CC2D2B: variants seen among roughly 807,000 people sequenced by gnomAD.
CC2D2B encodes coiled-coil and C2 domain containing 2B, also known as protein CC2D2B.
A neutral mutation model predicts 161.2 loss-of-function variants in CC2D2B; 128 were observed. The ratio of observed to expected loss-of-function variants is 0.79; its 90% CI spans 0.69 to 0.92. The LOEUF (loss-of-function observed/expected upper bound fraction) is 0.92. Among genes scored for constraint, CC2D2B ranks in the 40% least tolerant of loss-of-function variants. The pLI is 0.00. For missense variants in CC2D2B, 1,173 were observed against 1,375.1 expected, an observed-to-expected ratio of 0.85 and a Z score of 2.32; for synonymous variants, 391 against 449.8, an observed-to-expected ratio of 0.87 and a Z score of 1.65.
intron 24 of CC2D2B, among the ~76,000 whole-genome samples, chr10:95,999,367 C>T (rs2078369426): frequency 6.6e-6 from 1 of 152,066 alleles, no homozygotes; most frequent in Non-Finnish European, 1.5e-5. Flanking sequence ...CTTATTTATC[C>T]ACATTGAGCT....
At position 95,982,102 on chromosome 10, in the gene CC2D2B, G is replaced by A; in HGVS notation, c.2071G>A (p.Glu691Lys). 8.1e-7 allele frequency: 1 copy of A among 1,230,022 alleles called. No homozygotes were observed. Among genetic ancestry groups the A allele is most frequent in the Non-Finnish European group, 1.0e-6 (1 of 986,168 alleles). The allele number at this position is 1,230,022 out of a possible 1,614,324, so 76.2% of individuals were successfully genotyped here. ...TAATCCAGAATATTCTGATTTAATG[G>A]AATCTGTTACGGTAAGTTAAAGCAA... ...PNNPEYSDLM[E>K]SVTYMRLKGQ... Residue 691 changes from glutamate to lysine, a missense_variant, in exon 18 of 35, where the codon GAA (glutamate) becomes AAA (lysine). By Grantham distance (56) the Glu-to-Lys change is moderately conservative. Around this residue, in one of 3 missense-constraint regions of CC2D2B, gnomAD observed 277 missense variants for 420.6 expected, o/e 0.66. Transcript: ENST00000646931.
chr10:95,963,258 G>A (rs1418728704), intron 12 of CC2D2B, among the ~76,000 whole-genome samples: 1 of 152,070 alleles, frequency 6.6e-6, no homozygotes, highest in Non-Finnish European at 1.5e-5. Flanking sequence ...GATGTTCCTC[G>A]GAACTGTTTC....
rs2080118707 is a variant in CC2D2B, at chr10:96,033,365, C to G, written c.*1357C>G. Among the ~76,000 whole-genome samples, 1 of 152,128 alleles carries G rather than the reference C, an allele frequency of 6.6e-6. No homozygotes were observed. Among genetic ancestry groups the G allele is most frequent in the Non-Finnish European group, 1.5e-5 (1 of 68,026 alleles). On this transcript the variant is annotated 3_prime_UTR_variant, in exon 35 of 35. Coordinates refer to ENST00000646931, the MANE Select transcript of CC2D2B (RefSeq NM_001349008.3). ...ATGGGTGAAGGAATGTTTTTTTCTCCCAGGTTAAAACCTAACTGTATGTGT... is the reference window on the plus strand; with the variant it reads ...ATGGGTGAAGGAATGTTTTTTTCTCGCAGGTTAAAACCTAACTGTATGTGT...
chr10:95,991,721 G>T (rs1245999154), intron 21 of CC2D2B, among the ~76,000 whole-genome samples: 3 of 152,074 alleles, frequency 2.0e-5, no homozygotes, highest in African/African-American at 7.2e-5. Context: ...GGGCAAGAAA[G>T]AAAAATAAAA....
In CC2D2B at chr10:96,012,743, ATTTT is replaced by A; in HGVS notation, c.3426+16_3426+19del. The stretch of plus-strand genomic sequence containing the variant: ...AATGCAACATTTGTAAGTTATTATT[ATTTT>A]TAACATCTTCATTGTGATTAAAGGG... On this transcript the variant is annotated intron_variant, in intron 28 of 34. Coordinates refer to ENST00000646931, the MANE Select transcript of CC2D2B (RefSeq NM_001349008.3). 1 of 1,440,340 alleles carries A rather than the reference ATTTT, an allele frequency of 6.9e-7. No individual in the cohort carries two copies. Among genetic ancestry groups the A allele is most frequent in the Non-Finnish European group, 9.8e-7 (1 of 1,023,128 alleles). 89.2% of individuals were successfully genotyped at this position (1,440,340 alleles called of 1,614,324 possible).
At position 95,924,830 on chromosome 10, in the gene CC2D2B, C is replaced by T. The variant is rs2098535406; in HGVS notation, c.226C>T (p.His76Tyr). 3 of 1,544,718 alleles carry T rather than the reference C, an allele frequency of 1.9e-6. No homozygotes were observed. The highest frequency in any genetic ancestry group is 2.6e-6 in the Non-Finnish European group (3 of 1,141,194). The change falls in exon 5 of 35, where the codon CAT becomes TAT. Residue 76 changes from histidine (H) to tyrosine (Y), a missense_variant. Coordinates refer to ENST00000646931, the MANE Select transcript of CC2D2B (RefSeq NM_001349008.3). ...TGAGCAGCTCATTGATAGCGAAATACATCAAAGGTCCAAGGTGAATAACTT... is the reference window on the plus strand; with the variant it reads ...TGAGCAGCTCATTGATAGCGAAATATATCAAAGGTCCAAGGTGAATAACTT... ...STEQLIDSEI[H>Y]QRSKLSPQTE...
rs1321257093 is a variant in CC2D2B, at chr10:96,033,596, T to G, written c.*1588T>G. On this transcript the variant is annotated 3_prime_UTR_variant, in exon 35 of 35. Transcript: ENST00000646931. ...GTACAGCTTTGAATATTTACATAGC[T>G]ATTTTATTTGTTGTTCAGGGTTTTT... Among the ~76,000 whole-genome samples the G allele has an allele frequency of 6.6e-6, 1 of 152,218 alleles. No individual in the cohort carries two copies. The highest frequency in any genetic ancestry group is 1.5e-5 in the Non-Finnish European group (1 of 68,026).
intron 34 of CC2D2B, among the ~76,000 whole-genome samples, chr10:96,029,276 ATATATATATG>A (rs1469286105): frequency 1.4e-3 from 76 of 54,630 alleles, no homozygotes; most frequent in Non-Finnish European, 1.6e-3. Context: ...ATATATATAT[ATATATATATG>A]TATATATATA....
At chr10:96,020,087 A>T (rs895866301) in intron 32 of CC2D2B, 1 of 327,584 alleles carries the variant, frequency 3.1e-6, no homozygotes, top group African/African-American at 2.2e-5. Context: ...ACCATAAAAC[A>T]TAACATATAA....
At chr10:95,943,581 C>T (rs72813659) in intron 9 of CC2D2B, among the ~76,000 whole-genome samples, 10 of 151,996 alleles carry the variant, frequency 6.6e-5, no homozygotes, top group Non-Finnish European at 1.3e-4. Context: ...AGTGTTCATT[C>T]GACATTTAAT....
intron 6 of CC2D2B, among the ~76,000 whole-genome samples, chr10:95,928,708 T>G (rs188646680): frequency 2.1e-4 from 32 of 151,992 alleles, no homozygotes; most frequent in African/African-American, 7.5e-4. Context: ...GTTTCCAGCT[T>G]CATCCATGTC....
intron 28 of CC2D2B, among the ~76,000 whole-genome samples, chr10:96,013,504 C>A (rs78924339): frequency 2.2e-5 from 3 of 133,806 alleles, no homozygotes; most frequent in African/African-American, 5.5e-5. Flanking sequence ...TAAATAATTA[C>A]TAAATAAATA....
chr10:95,995,199 C>T (rs1002176066), intron 22 of CC2D2B, 70 bp from the exon 23 acceptor site: 36 of 809,930 alleles, frequency 4.4e-5, no homozygotes, highest in Admixed American at 1.9e-4. Context: ...CAGGAAAAAC[C>T]CACCCACTCC....
At chr10:96,029,288 A>ATATATATATG (rs2079953351) in intron 34 of CC2D2B, among the ~76,000 whole-genome samples, 3 of 74,460 alleles carry the variant, frequency 4.0e-5, no homozygotes, top group African/African-American at 1.8e-4. Context: ...ATATATATGT[A>ATATATATATG]TATATATATA....
intron 12 of CC2D2B, 75 bp from the exon 13 acceptor site, chr10:95,965,818 TGTG>T: frequency 5.0e-6 from 2 of 397,202 alleles, no homozygotes; most frequent in Non-Finnish European, 8.5e-6. Context: ...TGTGTGTGTG[TGTG>T]TTGGCAAAAT....
intron 6 of CC2D2B, among the ~76,000 whole-genome samples, chr10:95,927,793 A>G (rs991976040): frequency 1.4e-5 from 2 of 145,900 alleles, no homozygotes; most frequent in Admixed American, 1.4e-4. Context: ...CTCATTCTTC[A>G]TTCCTCCTAA....
intron 2 of CC2D2B, among the ~76,000 whole-genome samples, chr10:95,917,591 C>T (rs998131980): frequency 2.0e-5 from 3 of 152,020 alleles, no homozygotes; most frequent in Non-Finnish European, 4.4e-5. Context: ...TACAATGAGG[C>T]CTACAAACAA....
intron 24 of CC2D2B, among the ~76,000 whole-genome samples, chr10:96,002,356 G>C (rs1335836262): frequency 6.6e-6 from 1 of 152,002 alleles, no homozygotes; most frequent in Non-Finnish European, 1.5e-5. Flanking sequence ...AAATGGATAA[G>C]TAGTCATAAT....
At chr10:96,017,765 T>TATAA (rs35257012) in intron 30 of CC2D2B, among the ~76,000 whole-genome samples, 6,121 of 149,286 alleles carry the variant, frequency 0.041, 253 homozygotes, top group African/African-American at 0.1. Context: ...ACCCCACCTC[T>TATAA]ATAAATAAAT....
Sources: allele counts gnomAD v4.1 joint callset (sites outside exome capture counted in the v4.1 genomes callset), GRCh38; gene constraint gnomAD v4.1.1; regional missense constraint gnomAD v4.1.1; transcripts MANE v1.5; gene names NCBI Gene and HGNC (gene_info 2026-07-23, HGNC 2026-07-21).